The following ABTB3 variants were observed in gnomAD, a reference collection of about 807,000 sequenced individuals.
The protein encoded by ABTB3 is ankyrin repeat- and BTB/POZ domain-containing protein 3.
At chr12:107,620,391 C>T in the ABTB3 span, among the ~76,000 whole-genome samples, 14 of 152,294 alleles carry the variant, frequency 9.2e-5, no homozygotes, top group African/African-American at 2.9e-4. Context: ...ACATGGACTG[C>T]TTAGATATCT....
At chr12:107,418,334 C>A in the ABTB3 span, among the ~76,000 whole-genome samples, 3 of 152,218 alleles carry the variant, frequency 2.0e-5, no homozygotes, top group African/African-American at 7.2e-5. Flanking sequence ...CCTTGCTCCA[C>A]AGCTTGCAGA....
chr12:107,327,549 T>C, the ABTB3 span, among the ~76,000 whole-genome samples: 1 of 152,236 alleles, frequency 6.6e-6, no homozygotes, highest in Non-Finnish European at 1.5e-5. Context: ...TAGCAAACTT[T>C]ATTACCATTA....
At chr12:107,327,473 A>G in the ABTB3 span, among the ~76,000 whole-genome samples, 1 of 152,006 alleles carries the variant, frequency 6.6e-6, no homozygotes, top group Non-Finnish European at 1.5e-5. Context: ...TTACTTTCAA[A>G]CTGGTTAATT....
At chr12:107,341,781 C>A in the ABTB3 span, among the ~76,000 whole-genome samples, 1 of 152,150 alleles carries the variant, frequency 6.6e-6, no homozygotes, top group Admixed American at 6.5e-5. Context: ...GTTTCGATCC[C>A]TGTTGGTTTG....
At chr12:107,318,825 G>A in the ABTB3 span, 11 of 1,250,444 alleles carry the variant, frequency 8.8e-6, no homozygotes, top group Admixed American at 3.0e-4. Flanking sequence ...GCGGCTAGTG[G>A]AAAAGTGAGC....
chr12:107,319,723 C>T, the ABTB3 span: 4 of 1,531,770 alleles, frequency 2.6e-6, no homozygotes, highest in Non-Finnish European at 3.5e-6. Context: ...CCCGGAGCTG[C>T]AGTGGCCCTG....
At chr12:107,476,890 A>G in the ABTB3 span, among the ~76,000 whole-genome samples, 1 of 151,920 alleles carries the variant, frequency 6.6e-6, no homozygotes, top group African/African-American at 2.4e-5. Context: ...CTCCTTATTC[A>G]TTTCATATCT....
At chr12:107,542,368 G>T in the ABTB3 span, among the ~76,000 whole-genome samples, 4 of 151,138 alleles carry the variant, frequency 2.6e-5, no homozygotes, top group African/African-American at 9.7e-5. Flanking sequence ...CCCAAAGTAC[G>T]CAACATATTC....
the ABTB3 span, chr12:107,520,612 C>T: frequency 2.5e-6 from 4 of 1,614,168 alleles, no homozygotes; most frequent in African/African-American, 2.7e-5. Flanking sequence ...GCTGGCCACG[C>T]GCGTAGGCAG....
chr12:107,499,742 G>A, the ABTB3 span, among the ~76,000 whole-genome samples: 11 of 151,218 alleles, frequency 7.3e-5, no homozygotes, highest in African/African-American at 2.7e-4. Context: ...CTGGAGTGCA[G>A]TGGCATGATC....
chr12:107,597,037 G>A, the ABTB3 span, among the ~76,000 whole-genome samples: 1 of 152,210 alleles, frequency 6.6e-6, no homozygotes, highest in African/African-American at 2.4e-5. Flanking sequence ...AGCCTGGAGT[G>A]TAACCACAGA....
chr12:107,544,147 CTGCCT>C, the ABTB3 span: 1 of 1,612,710 alleles, frequency 6.2e-7, no homozygotes, highest in South Asian at 1.1e-5. Context: ...AAGGTAAGAA[CTGCCT>C]TGCCTTGCCT....
the ABTB3 span, among the ~76,000 whole-genome samples, chr12:107,594,200 CT>C: frequency 1.3e-5 from 2 of 152,208 alleles, no homozygotes; most frequent in Admixed American, 6.5e-5. Flanking sequence ...TCATTTTCTA[CT>C]CAAAATCACA....
At chr12:107,356,506 G>A in the ABTB3 span, among the ~76,000 whole-genome samples, 29 of 152,182 alleles carry the variant, frequency 1.9e-4, no homozygotes, top group African/African-American at 4.1e-4. Context: ...GCCATTCTCC[G>A]TGTGAAGCCC....
the ABTB3 span, among the ~76,000 whole-genome samples, chr12:107,495,828 T>C: frequency 6.6e-6 from 1 of 152,182 alleles, no homozygotes; most frequent in Non-Finnish European, 1.5e-5. Context: ...TTCTTGTCTG[T>C]AAAATGGGTA....
the ABTB3 span, among the ~76,000 whole-genome samples, chr12:107,345,467 T>TAA: frequency 1.4e-3 from 206 of 148,778 alleles, 1 homozygote; most frequent in African/African-American, 4.3e-3. Flanking sequence ...TTGCAAGTGA[T>TAA]AAAAAAAAAA....
the ABTB3 span, among the ~76,000 whole-genome samples, chr12:107,361,651 A>T: frequency 5.3e-5 from 8 of 152,298 alleles, no homozygotes; most frequent in East Asian, 1.5e-3. Flanking sequence ...GGATCTGATA[A>T]ATAATACCTC....
At chr12:107,392,323 G>A in the ABTB3 span, among the ~76,000 whole-genome samples, 9 of 152,176 alleles carry the variant, frequency 5.9e-5, no homozygotes, top group South Asian at 4.2e-4. Context: ...TCCTTCCTTC[G>A]CAGGGACCCT....
chr12:107,521,263 TTGTGTGTGTGTGTGTG>T, the ABTB3 span, among the ~76,000 whole-genome samples: 8 of 142,864 alleles, frequency 5.6e-5, no homozygotes, highest in Admixed American at 2.8e-4. Flanking sequence ...TTCATATAAG[TTGTGTGTGTGTGTGTG>T]TGTGTGTGTG....
Sources: allele counts gnomAD v4.1 joint callset (sites outside exome capture counted in the v4.1 genomes callset), GRCh38; gene constraint gnomAD v4.1.1; transcripts MANE v1.5; gene names NCBI Gene and HGNC (gene_info 2026-07-23, HGNC 2026-07-21).